RBPJ: variants seen among roughly 807,000 people sequenced by gnomAD.
RBPJ encodes recombination signal binding protein for immunoglobulin kappa J region, also known as recombining binding protein suppressor of hairless.
A neutral mutation model predicts 67.8 loss-of-function variants in RBPJ; 9 were observed. The ratio of observed to expected loss-of-function variants is 0.13; its 90% CI spans 0.08 to 0.23. The LOEUF is 0.23. Ranked by LOEUF, RBPJ falls within the 10% of genes least tolerant of loss-of-function variation. The pLI is 1.00. For synonymous variants in RBPJ, 198 were observed against 203.3 expected, an observed-to-expected ratio of 0.97 and a Z score of 0.22; for missense variants, 305 against 595.6, an observed-to-expected ratio of 0.51 and a Z score of 5.08.
At chr4:26,265,046 G>A (rs995658715) in intron 1 of RBPJ, among the ~76,000 whole-genome samples, 1 of 152,178 alleles carries the variant, frequency 6.6e-6, no homozygotes, top group African/African-American at 2.4e-5. Context: ...AGGCAATTTT[G>A]AGGGGTAATA....
At chr4:26,423,060 T>C (rs1029052667) in intron 5 of RBPJ, among the ~76,000 whole-genome samples, 23 of 152,236 alleles carry the variant, frequency 1.5e-4, no homozygotes, top group Non-Finnish European at 4.4e-5. Context: ...TAGATTTTGC[T>C]GATTTCATTT....
chr4:26,375,857 A>T (rs936579013), intron 1 of RBPJ, among the ~76,000 whole-genome samples: 29 of 152,202 alleles, frequency 1.9e-4, no homozygotes, highest in African/African-American at 6.8e-4. Context: ...ATTCTAGAAC[A>T]GACTTCACTA....
intron 1 of RBPJ, among the ~76,000 whole-genome samples, chr4:26,210,280 C>CCGAA (rs1718338800): frequency 6.6e-6 from 1 of 152,152 alleles, no homozygotes; most frequent in Non-Finnish European, 1.5e-5. Flanking sequence ...CTTTCCCTTT[C>CCGAA]CGCACAGGAT....
At chr4:26,197,276 G>T (rs1458202269) in intron 1 of RBPJ, among the ~76,000 whole-genome samples, 2 of 152,184 alleles carry the variant, frequency 1.3e-5, no homozygotes, top group Non-Finnish European at 2.9e-5. Flanking sequence ...TATAGTGGAA[G>T]AATTGGGGAC....
chr4:26,367,375 C>A (rs1206896998), intron 1 of RBPJ, among the ~76,000 whole-genome samples: 4 of 152,018 alleles, frequency 2.6e-5, no homozygotes, highest in Admixed American at 6.6e-5. Context: ...GAGGCTGAGG[C>A]AGGAGAATTA....
intron 3 of RBPJ, among the ~76,000 whole-genome samples, chr4:26,413,438 ATCTC>A: frequency 6.6e-6 from 1 of 152,156 alleles, no homozygotes; most frequent in South Asian, 2.1e-4. Context: ...TGTTTTTATT[ATCTC>A]TCTCCTATTA....
chr4:26,306,438 A>AATTATTATTATTATTATTATT (rs556823125), intron 1 of RBPJ, among the ~76,000 whole-genome samples: 207 of 147,172 alleles, frequency 1.4e-3, no homozygotes, highest in African/African-American at 3.8e-3. Flanking sequence ...TTATTTGGAG[A>AATTATTATTATTATTATTATT]ATTATTATTA....
intron 1 of RBPJ, among the ~76,000 whole-genome samples, chr4:26,176,609 A>G (rs1324708019): frequency 6.6e-6 from 1 of 152,252 alleles, no homozygotes; most frequent in Non-Finnish European, 1.5e-5. Flanking sequence ...TCTCAAGCCC[A>G]GCTGACGTCC....
At chr4:26,340,011 T>TC (rs1725340508) in intron 1 of RBPJ, among the ~76,000 whole-genome samples, 1 of 151,294 alleles carries the variant, frequency 6.6e-6, no homozygotes, top group Non-Finnish European at 1.5e-5. Context: ...AGAGCAAGAC[T>TC]CCATCTAAAA....
the RBPJ span, chr4:26,113,587 A>C: frequency 2.4e-6 from 1 of 415,580 alleles, no homozygotes; most frequent in Non-Finnish European, 4.8e-6. Flanking sequence ...AATGCAAAGC[A>C]CATGGGAAAT....
At chr4:26,155,043 T>C in the RBPJ span, among the ~76,000 whole-genome samples, 1 of 152,118 alleles carries the variant, frequency 6.6e-6, no homozygotes, top group Non-Finnish European at 1.5e-5. Flanking sequence ...ACAGGCTCAG[T>C]CTAGGAAACT....
At chr4:26,407,382 G>A (rs1458604479) in intron 3 of RBPJ, among the ~76,000 whole-genome samples, 1 of 152,004 alleles carries the variant, frequency 6.6e-6, no homozygotes, top group Admixed American at 6.5e-5. Context: ...ACTTGAATGT[G>A]GACTCAACAG....
intron 1 of RBPJ, among the ~76,000 whole-genome samples, chr4:26,166,065 G>A (rs1370282970): frequency 6.7e-6 from 1 of 149,216 alleles, no homozygotes; most frequent in Non-Finnish European, 1.5e-5. Context: ...TTTTATGGCT[G>A]CATAGTATTC....
At chr4:26,120,275 C>T in the RBPJ span, among the ~76,000 whole-genome samples, 24 of 152,322 alleles carry the variant, frequency 1.6e-4, no homozygotes, top group African/African-American at 5.1e-4. Context: ...CCTGAACAAA[C>T]TTCCAGATCT....
chr4:26,367,132 T>A (rs1321448034), intron 1 of RBPJ, among the ~76,000 whole-genome samples: 1 of 151,474 alleles, frequency 6.6e-6, no homozygotes, highest in Non-Finnish European at 1.5e-5. Flanking sequence ...TTCAAAAAAA[T>A]AAATTAATTA....
intron 1 of RBPJ, among the ~76,000 whole-genome samples, chr4:26,268,938 CT>C (rs1373625528): frequency 2.0e-5 from 3 of 152,312 alleles, no homozygotes; most frequent in African/African-American, 7.2e-5. Context: ...ATTTGGAATA[CT>C]CTATGATTTC....
intron 1 of RBPJ, among the ~76,000 whole-genome samples, chr4:26,346,071 A>G (rs1443347872): frequency 6.6e-6 from 1 of 152,160 alleles, no homozygotes; most frequent in Non-Finnish European, 1.5e-5. Context: ...TATTTATGCT[A>G]GTGAAATTTC....
At chr4:26,146,785 T>A in the RBPJ span, among the ~76,000 whole-genome samples, 1 of 152,172 alleles carries the variant, frequency 6.6e-6, no homozygotes, top group African/African-American at 2.4e-5. Context: ...GTGTAGTCAG[T>A]CAGGAAAGAG....
the RBPJ span, among the ~76,000 whole-genome samples, chr4:26,140,758 A>C: frequency 6.6e-6 from 1 of 150,916 alleles, no homozygotes. Flanking sequence ...TGGGCCAAGG[A>C]CCGCTCCTGG....
Sources: gnomAD v4.1 joint callset for allele counts (sites outside exome capture counted in the v4.1 genomes callset) on GRCh38, gnomAD v4.1.1 for gene constraint, MANE v1.5 for transcripts, NCBI Gene and HGNC (gene_info 2026-07-23, HGNC 2026-07-21) for gene names.